Variants in HJV observed in about 807,000 individuals in gnomAD.
HJV encodes the protein hemojuvelin.
HJV carries 18 observed loss-of-function variants against 22.7 expected under a neutral mutation model. The observed-to-expected ratio is 0.79, with a 90% CI of 0.55 to 1.18. HJV has a LOEUF of 1.18. Ranked by LOEUF, HJV falls within the 50% of genes most tolerant of loss-of-function variation. The pLI is 0.00. For synonymous variants in HJV, 229 were observed against 222.7 expected, an observed-to-expected ratio of 1.03 and a Z score of -0.25; for missense variants, 572 against 553.0, an observed-to-expected ratio of 1.03 and a Z score of -0.34.
In HJV at chr1:146,018,279, G is replaced by A; in HGVS notation, c.1079C>T (p.Ser360Phe). Residue 360 changes from serine to phenylalanine, a missense_variant, in exon 4 of 4, where the codon TCC becomes TTC. By Grantham distance (155) the Ser-to-Phe change is radical. Transcript: ENST00000336751. The part of the protein sequence containing the change: ...GLPVEDAYFH[S>F]CVFDVLISGD... ...AGAAATTAAAACATCAAAGACACAGGAATGGAAGTAAGCATCTTCCACTGG... is the reference window on the plus strand; with the variant it reads ...AGAAATTAAAACATCAAAGACACAGAAATGGAAGTAAGCATCTTCCACTGG... 2 of 1,614,170 alleles carry A rather than the reference G, an allele frequency of 1.2e-6. No homozygotes were observed. The highest frequency in any genetic ancestry group is 2.7e-5 in the African/African-American group (2 of 75,046).
In HJV at chr1:146,019,200, C is replaced by G. The variant is rs782172112; in HGVS notation, c.632G>C (p.Gly211Ala). ...CTTCCGGGTGGCGGTAGCGTTGGCC[C>G]CCAACGCCATGGGGGAGCTGGTGGC... ...VQATSSPMAL[G>A]ANATATRKLT... Residue 211 changes from glycine (G) to alanine (A), a missense_variant, in exon 3 of 4, where the codon GGG (glycine) becomes GCG (alanine). Physicochemically the swap from Gly to Ala is moderately conservative, Grantham distance 60. Coordinates refer to ENST00000336751, the MANE Select transcript of HJV (RefSeq NM_213653.4). 3.7e-5 allele frequency: 60 copies of G among 1,613,964 alleles called. No homozygotes were observed. The highest frequency in any genetic ancestry group is 5.1e-5 in the Non-Finnish European group (60 of 1,179,982).
chr1:146,018,106 G>C lies in HJV; in HGVS notation c.1252C>G (p.Leu418Val). The C allele has an allele frequency of 1.9e-6, 3 of 1,614,120 alleles. No homozygotes were observed. Among genetic ancestry groups the C allele is most frequent in the Non-Finnish European group, 2.5e-6 (3 of 1,180,020 alleles). ...TGAATGCAAAGCCACAGAACAAAGA[G>C]CCCAGAAAGGAGTGGAGCTAAGAGG... ...ATLLAPLLSGLFVLWLCIQ is the reference protein window; with the variant it reads ...ATLLAPLLSGVFVLWLCIQ Residue 418 changes from leucine to valine, a missense_variant, in exon 4 of 4, where the codon CTC becomes GTC. Coordinates refer to ENST00000336751, the MANE Select transcript of HJV (RefSeq NM_213653.4).
rs781805423 is a variant in HJV at position 146,018,381 on chromosome 1, C to T, written c.977G>A (p.Arg326Gln). The change falls in exon 4 of 4, where the codon CGA becomes CAA. Residue 326 changes from arginine to glutamine, a missense_variant. By Grantham distance (43) the Arg-to-Gln change is conservative (BLOSUM62 1). Transcript: ENST00000336751. ...LCVGGCPPSQ[R>Q]LSRSERNRRG... Reference sequence around the variant, plus strand: ...ACGATTGCGCTCTGATCGAGAGAGTCGCTGACTTGGAGGGCACCCCCCAAC... The same window carrying T: ...ACGATTGCGCTCTGATCGAGAGAGTTGCTGACTTGGAGGGCACCCCCCAAC... The T allele has an allele frequency of 3.1e-5, 50 of 1,614,172 alleles. No individual in the cohort carries two copies. The South Asian group carries it at 4.5e-4, about 15-fold the overall frequency.
chr1:146,020,082 C>T, intron 2 of HJV, 53 bp downstream of exon 2: 2 of 1,282,410 alleles, frequency 1.6e-6, no homozygotes, highest in East Asian at 2.3e-5. Context: ...CCCACCCCTA[C>T]ATAGCAGCCT....
In HJV at chr1:146,017,985, G is replaced by C; in HGVS notation, c.*92C>G. Reference sequence around the variant, plus strand: ...ATGTCATTGTTTCACGTGTCTCCTAGGCCCTGCTTCCTTTAATGATTCTTT... The same window carrying C: ...ATGTCATTGTTTCACGTGTCTCCTACGCCCTGCTTCCTTTAATGATTCTTT... On this transcript the variant is annotated 3_prime_UTR_variant, in exon 4 of 4. Transcript: ENST00000336751. The C allele has an allele frequency of 7.3e-7, 1 of 1,378,986 alleles. No individual in the cohort carries two copies. Among genetic ancestry groups the C allele is most frequent in the Non-Finnish European group, 1.0e-6 (1 of 971,756 alleles). 85.4% of individuals were successfully genotyped at this position (1,378,986 alleles called of 1,614,324 possible). A position where few individuals can be genotyped will look rare whatever the true frequency, so the allele number is the denominator to read the frequency against.
rs782531227 is a variant in HJV, at chr1:146,018,341, G to A, written c.1017C>T (p.Thr339=). 1.2e-6 allele frequency: 2 copies of A among 1,614,168 alleles called. No individual in the cohort carries two copies. The highest frequency in any genetic ancestry group is 4.5e-5 in the East Asian group (2 of 44,884). The change falls in exon 4 of 4, where the codon ACC becomes ACT. Residue 339 remains threonine (T), a synonymous_variant. Coordinates refer to ENST00000336751, the MANE Select transcript of HJV (RefSeq NM_213653.4). ...TGCACAGCCGTCTGGCAGTATCAAT[G>A]GTTATAGCTCCCCGACGATTGCGCT... ...RSERNRRGAI[T]IDTARRLCKE...
rs782271216 is a variant in HJV at position 146,018,376 on chromosome 1, A to T, written c.982T>A (p.Ser328Thr). ...CCCCGACGATTGCGCTCTGATCGAG[A>T]GAGTCGCTGACTTGGAGGGCACCCC... is the stretch of plus-strand genomic sequence containing the variant. ...VGGCPPSQRLSRSERNRRGAI... is the reference protein window; with the variant it reads ...VGGCPPSQRLTRSERNRRGAI... Residue 328 changes from serine to threonine, a missense_variant, in exon 4 of 4, where the codon TCT (serine) becomes ACT (threonine). By Grantham distance (58) the Ser-to-Thr change is moderately conservative. Coordinates refer to ENST00000336751, the MANE Select transcript of HJV (RefSeq NM_213653.4). 5 of 1,614,148 alleles carry T rather than the reference A, an allele frequency of 3.1e-6. No individual in the cohort carries two copies. The highest frequency in any genetic ancestry group is 1.6e-4 in the Middle Eastern group (1 of 6,062).
Position 146,019,243 on chromosome 1 carries a change from C to T in HJV, c.589G>A (p.Asp197Asn). Residue 197 changes from aspartate to asparagine, a missense_variant, in exon 3 of 4, where the codon GAC becomes AAC. Transcript: ENST00000336751. ...VQGAWPLLDN[D>N]FLFVQATSSP... ...CTGGTGGCTTGGACAAAGAGGAAGT[C>T]ATTATCCAGTAGAGGCCAAGCTCCT... 1.2e-6 allele frequency: 2 copies of T among 1,614,040 alleles called. No individual in the cohort carries two copies. The highest frequency in any genetic ancestry group is 1.7e-6 in the Non-Finnish European group (2 of 1,180,036).
At position 146,019,432 on chromosome 1, in the gene HJV, C is replaced by A; in HGVS notation, c.400G>T (p.Ala134Ser). Residue 134 changes from alanine (A) to serine (S), a missense_variant, in exon 3 of 4, where the codon GCC becomes TCC. Coordinates refer to ENST00000336751, the MANE Select transcript of HJV (RefSeq NM_213653.4). Reference protein sequence around the residue: ...PTAPPPPRGPALPGAGSGLPA... With the variant: ...PTAPPPPRGPSLPGAGSGLPA... ...AGGCCGGAGCCCGCGCCTGGAAGGG[C>A]GGGGCCCCGGGGCGGGGGAGGGGCT... 1 of 1,611,652 alleles carries A rather than the reference C, an allele frequency of 6.2e-7. No individual in the cohort carries two copies. The highest frequency in any genetic ancestry group is 1.1e-5 in the South Asian group (1 of 91,030).
intron 3 of HJV, 31 bp from the exon 4 acceptor site, chr1:146,018,731 T>C (rs374988389): frequency 8.1e-6 from 13 of 1,612,944 alleles, no homozygotes; most frequent in East Asian, 2.2e-5. Context: ...ACAGTTCATT[T>C]TGGGTTCAGT....
At chr1:146,020,959 A>G (rs895369536) in intron 1 of HJV, among the ~76,000 whole-genome samples, 1 of 152,246 alleles carries the variant, frequency 6.6e-6, no homozygotes, top group Non-Finnish European at 1.5e-5. Context: ...TTCTAAGTCA[A>G]CAGTTCTTGT....
chr1:146,018,113 A>C lies in HJV; in HGVS notation c.1245T>G (p.Leu415=). The change falls in exon 4 of 4, where the codon CTT becomes CTG. Residue 415 remains leucine, a synonymous_variant. Coordinates refer to ENST00000336751, the MANE Select transcript of HJV (RefSeq NM_213653.4). ...AAAGCCACAGAACAAAGAGCCCAGA[A>C]AGGAGTGGAGCTAAGAGGGTTGCTG... is the stretch of plus-strand genomic sequence containing the variant. ...LSSATLLAPL[L]SGLFVLWLCI... is the part of the protein sequence containing the mutation. 3 of 1,614,190 alleles carry C rather than the reference A, an allele frequency of 1.9e-6. No individual in the cohort carries two copies. The highest frequency in any genetic ancestry group is 2.5e-6 in the Non-Finnish European group (3 of 1,180,038).
At position 146,018,433 on chromosome 1, in the gene HJV, A is replaced by C; in HGVS notation, c.925T>G (p.Ser309Ala). ...CAGAGCTGCAGGTCCTGTTCAGCTG[A>C]GAAGGCCATGGCCACATCCTCTGCT... Reference protein sequence around the residue: ...KVAEDVAMAFSAEQDLQLCVG... With the variant: ...KVAEDVAMAFAAEQDLQLCVG... Residue 309 changes from serine to alanine, a missense_variant, in exon 4 of 4, where the codon TCA becomes GCA. Ser to Ala is a moderately conservative substitution (Grantham distance 99). Transcript: ENST00000336751. 3 of 1,614,176 alleles carry C rather than the reference A, an allele frequency of 1.9e-6. No individual in the cohort carries two copies. The highest frequency in any genetic ancestry group is 2.5e-6 in the Non-Finnish European group (3 of 1,180,038).
At chr1:146,020,832 A>G (rs1652691097) in intron 1 of HJV, among the ~76,000 whole-genome samples, 1 of 152,250 alleles carries the variant, frequency 6.6e-6, no homozygotes, top group Non-Finnish European at 1.5e-5. Context: ...GAATATCAGT[A>G]TTCAAATGAA....
intron 2 of HJV, 116 bp downstream of exon 2, chr1:146,020,019 G>T: frequency 1.2e-6 from 1 of 853,706 alleles, no homozygotes; most frequent in Non-Finnish European, 2.0e-6. Context: ...AGAGCAGGGC[G>T]AGTGATCGGG....
In HJV at chr1:146,019,199, C is replaced by T. The variant is rs372427689; in HGVS notation, c.633G>A (p.Gly211=). 2.0e-5 allele frequency: 32 copies of T among 1,613,938 alleles called. No homozygotes were observed. In the South Asian group the frequency reaches 2.4e-4, roughly 12 times the overall value. ...CCTTCCGGGTGGCGGTAGCGTTGGCCCCCAACGCCATGGGGGAGCTGGTGG... is the reference window on the plus strand; with the variant it reads ...CCTTCCGGGTGGCGGTAGCGTTGGCTCCCAACGCCATGGGGGAGCTGGTGG... ...VQATSSPMAL[G]ANATATRKLT... is the part of the protein sequence containing the mutation. Residue 211 remains glycine, a synonymous_variant, in exon 3 of 4, where the codon GGG becomes GGA. Transcript: ENST00000336751.
rs587747553 is a variant in HJV, at chr1:146,018,688, A to G, written c.670T>C (p.Phe224Leu). ...ATATRKLTIIFKNMQECIDQK... is the reference protein window; with the variant it reads ...ATATRKLTIILKNMQECIDQK... The stretch of plus-strand genomic sequence containing the variant: ...TCAATGCATTCCTGCATGTTCTTAA[A>G]TATGATGGTGAGCTGTGAGGACAAG... The change falls in exon 4 of 4, where the codon TTT (phenylalanine) becomes CTT (leucine). Residue 224 changes from phenylalanine (F) to leucine (L), a missense_variant. Phe to Leu is a conservative substitution (Grantham distance 22). Coordinates refer to ENST00000336751, the MANE Select transcript of HJV (RefSeq NM_213653.4). 2 of 1,614,158 alleles carry G rather than the reference A, an allele frequency of 1.2e-6. No individual in the cohort carries two copies. Among genetic ancestry groups the G allele is most frequent in the Admixed American group, 1.7e-5 (1 of 60,026 alleles).
At chr1:146,020,516 C>A (rs1652663905) in intron 1 of HJV, among the ~76,000 whole-genome samples, 196 bp from the exon 2 acceptor site, 1 of 152,066 alleles carries the variant, frequency 6.6e-6, no homozygotes, top group Non-Finnish European at 1.5e-5. Flanking sequence ...GGCCCTTGTG[C>A]AATACCCCTA....
chr1:146,018,553 T>G lies in HJV; in HGVS notation c.805A>C (p.Asn269His). Residue 269 changes from asparagine (N) to histidine (H), a missense_variant, in exon 4 of 4, where the codon AAC becomes CAC. Coordinates refer to ENST00000336751, the MANE Select transcript of HJV (RefSeq NM_213653.4). ...GGSSLSIQTA[N>H]PGNHVEIQAA... ...TGGATCTCCACATGGTTCCCAGGGT[T>G]AGCAGTTTGAATCGACAAACTGGAT... The G allele has an allele frequency of 6.2e-7, 1 of 1,614,194 alleles. No homozygotes were observed. Among genetic ancestry groups the G allele is most frequent in the Admixed American group, 1.7e-5 (1 of 60,020 alleles).
Sources: gnomAD v4.1 joint callset for allele counts (sites outside exome capture counted in the v4.1 genomes callset) on GRCh38, gnomAD v4.1.1 for gene constraint, MANE v1.5 for transcripts, NCBI Gene and HGNC (gene_info 2026-07-23, HGNC 2026-07-21) for gene names.